PRR12: variants seen among roughly 807,000 people sequenced by gnomAD.
PRR12 encodes proline rich 12, also known as proline-rich protein 12.
Under a neutral mutation model 138.0 loss-of-function variants are expected in PRR12, and 12 were observed. That is an observed-to-expected ratio of 0.09 (90% confidence interval 0.06 to 0.14). The LOEUF (loss-of-function observed/expected upper bound fraction) is 0.14, where lower values mean the gene tolerates loss of function less well. PRR12 is among the 10% of genes least tolerant of loss of function. The pLI, the probability that PRR12 is intolerant of heterozygous loss-of-function variation, is 1.00. For synonymous variants in PRR12, 1,567 were observed against 1,291.7 expected (o/e 1.21, Z -4.57); for missense variants, 2,692 against 2,861.3 (o/e 0.94, Z 1.35).
Position 49,614,548 on chromosome 19 carries a change from G to T in PRR12, c.4789G>T (p.Gly1597Trp). Residue 1597 changes from glycine to tryptophan, a missense_variant, in exon 7 of 14, where the codon GGG becomes TGG. By Grantham distance (184) the Gly-to-Trp change is radical. This residue lies in a region of PRR12 where 92 missense variants were observed against 174.1 expected (regional missense o/e 0.53). Transcript: ENST00000418929. This position sits in a 1 kb window ranked among gnomAD's most constrained non-coding sequence, Gnocchi z 5.0. ...TCCTCCTCAGCTGGCGTTGCAGACG[G>T]GGCGTGAACCCCCACCCATCTGGCG... ...IPSLKLALQT[G>W]REPPPIWRVQ... The T allele has an allele frequency of 6.4e-7, 1 of 1,552,384 alleles. No individual in the cohort carries two copies. The highest frequency in any genetic ancestry group is 2.4e-5 in the East Asian group (1 of 41,094).
intron 11 of PRR12, chr19:49,621,833 G>A: frequency 1.8e-6 from 1 of 570,968 alleles, no homozygotes; most frequent in South Asian, 2.1e-5. Flanking sequence ...TGGGCCTTGG[G>A]GCAGCAGAGG....
chr19:49,596,537 G>C lies in PRR12; in HGVS notation c.2202G>C (p.Arg734=). The C allele has an allele frequency of 1.2e-6, 2 of 1,608,796 alleles. No homozygotes were observed. The highest frequency in any genetic ancestry group is 1.7e-6 in the Non-Finnish European group (2 of 1,178,224). Residue 734 remains arginine, a synonymous_variant, in exon 4 of 14, where the codon CGG becomes CGC. Transcript: ENST00000418929. This position sits in a 1 kb window ranked among gnomAD's most constrained non-coding sequence, Gnocchi z 5.6. ...AGGAGAAGAAGAAAGGGCCAGAGCGGGGTGGCGAGACCCCCGAGGGGCTGG... is the reference window on the plus strand; with the variant it reads ...AGGAGAAGAAGAAAGGGCCAGAGCGCGGTGGCGAGACCCCCGAGGGGCTGG... ...RLKEKKKGPE[R]GGETPEGLAT... is the part of the protein sequence containing the mutation.
intron 10 of PRR12, among the ~76,000 whole-genome samples, chr19:49,620,701 G>A (rs1323695256): frequency 2.0e-5 from 3 of 148,816 alleles, no homozygotes; most frequent in Non-Finnish European, 4.5e-5. Flanking sequence ...GAAGAGGCTG[G>A]GGGCCTGGAC....
In PRR12 at chr19:49,597,261, G is replaced by A; in HGVS notation, c.2926G>A (p.Ala976Thr). The A allele has an allele frequency of 6.4e-7, 1 of 1,572,258 alleles. No individual in the cohort carries two copies. ...GPPEDEGDPK[A>T]GAGPPPGPPA... The stretch of plus-strand genomic sequence containing the variant: ...ACCTGAGGACGAGGGGGACCCCAAG[G>A]CTGGCGCTGGGCCACCCCCCGGCCC... Residue 976 changes from alanine to threonine, a missense_variant, in exon 4 of 14, where the codon GCT (alanine) becomes ACT (threonine). Ala to Thr is a moderately conservative substitution (Grantham distance 58). Around this residue, in one of 11 missense-constraint regions of PRR12, gnomAD observed 840 missense variants for 689.8 expected, o/e 1.22. Coordinates refer to ENST00000418929, the MANE Select transcript of PRR12 (RefSeq NM_020719.3). This position sits in a 1 kb window ranked among gnomAD's most constrained non-coding sequence, Gnocchi z 6.3.
In PRR12 at chr19:49,624,899, C is replaced by T. The variant is rs777628122; in HGVS notation, c.5777C>T (p.Pro1926Leu). Residue 1926 changes from proline (P) to leucine (L), a missense_variant, in exon 12 of 14, where the codon CCG (proline) becomes CTG (leucine). Transcript: ENST00000418929. ...LQVEQSGEGSPEEGAVRLRPA... is the reference protein window; with the variant it reads ...LQVEQSGEGSLEEGAVRLRPA... ...GTGGAGCAGAGTGGGGAGGGCTCTC[C>T]GGAAGAGGGGGCTGTGCGGCTGCGG... 1.9e-5 allele frequency: 30 copies of T among 1,609,588 alleles called. No individual in the cohort carries two copies. The East Asian group carries it at 2.7e-4, about 14-fold the overall frequency.
Position 49,596,189 on chromosome 19 carries a change from G to A in PRR12, c.1854G>A (p.Lys618=). The A allele has an allele frequency of 6.2e-7, 1 of 1,610,482 alleles. No individual in the cohort carries two copies. Among genetic ancestry groups the A allele is most frequent in the African/African-American group, 1.3e-5 (1 of 75,058 alleles). Reference sequence around the variant, plus strand: ...CCGGAGCAGGTGGCTACAAGGGCAAGGGGGATGGCTCGGAGCTGCTGGCGG... The same window carrying A: ...CCGGAGCAGGTGGCTACAAGGGCAAAGGGGATGGCTCGGAGCTGCTGGCGG... ...YAAGAGGYKG[K]GDGSELLAGP... Residue 618 remains lysine (K), a synonymous_variant, in exon 4 of 14, where the codon AAG becomes AAA. Transcript: ENST00000418929. This position sits in a 1 kb window ranked among gnomAD's most constrained non-coding sequence, Gnocchi z 5.6.
At position 49,624,950 on chromosome 19, in the gene PRR12, A is replaced by G. The variant is rs1464896485; in HGVS notation, c.5828A>G (p.Lys1943Arg). 4 of 1,597,026 alleles carry G rather than the reference A, an allele frequency of 2.5e-6. No individual in the cohort carries two copies. In the African/African-American group the frequency reaches 5.4e-5, roughly 21 times the overall value. ...CCTGCTGGGGAACCCTACAACCGCAAGACGCTCAGCAAGCTCAAGAGGAGC... is the reference window on the plus strand; with the variant it reads ...CCTGCTGGGGAACCCTACAACCGCAGGACGCTCAGCAAGCTCAAGAGGAGC... ...LRPAGEPYNR[K>R]TLSKLKRSVV... is the part of the protein sequence containing the mutation. The change falls in exon 12 of 14, where the codon AAG becomes AGG. Residue 1943 changes from lysine (K) to arginine (R), a missense_variant. Coordinates refer to ENST00000418929, the MANE Select transcript of PRR12 (RefSeq NM_020719.3).
intron 11 of PRR12, among the ~76,000 whole-genome samples, chr19:49,622,254 G>T (rs2080926913): frequency 6.6e-6 from 1 of 152,172 alleles, no homozygotes; most frequent in Non-Finnish European, 1.5e-5. Context: ...TTAGGCTGGT[G>T]CTGAGATGGC....
At chr19:49,623,870 T>A (rs890753994) in intron 11 of PRR12, among the ~76,000 whole-genome samples, 1 of 142,152 alleles carries the variant, frequency 7.0e-6, no homozygotes, top group Non-Finnish European at 1.5e-5. Context: ...GGTAGGTGGT[T>A]AGGATGGGGC....
At chr19:49,613,326 A>G (rs2080875896) in intron 6 of PRR12, among the ~76,000 whole-genome samples, 2 of 137,262 alleles carry the variant, frequency 1.5e-5, no homozygotes, top group South Asian at 4.5e-4. Flanking sequence ...CTGAGGCTCC[A>G]TCTCAAAAAA....
Position 49,597,745 on chromosome 19 carries a change from T to G in PRR12, c.3410T>G (p.Leu1137Arg). 2 of 1,606,106 alleles carry G rather than the reference T, an allele frequency of 1.2e-6. No individual in the cohort carries two copies. The highest frequency in any genetic ancestry group is 4.5e-5 in the East Asian group (2 of 44,604). Residue 1137 changes from leucine (L) to arginine (R), a missense_variant, in exon 4 of 14, where the codon CTG becomes CGG. By Grantham distance (102) the Leu-to-Arg change is moderately radical. Coordinates refer to ENST00000418929, the MANE Select transcript of PRR12 (RefSeq NM_020719.3). This position sits in a 1 kb window ranked among gnomAD's most constrained non-coding sequence, Gnocchi z 6.3. ...SCRSRPALSPLGDIDFCPPNP... is the reference protein window; with the variant it reads ...SCRSRPALSPRGDIDFCPPNP... ...CGCTCCCGTCCGGCCCTCTCGCCAC[T>G]GGGGGACATCGACTTCTGCCCACCC...
intron 11 of PRR12, among the ~76,000 whole-genome samples, chr19:49,622,363 C>G (rs2080927476): frequency 6.6e-6 from 1 of 151,634 alleles, no homozygotes; most frequent in African/African-American, 2.4e-5. Context: ...GGTAGATGGC[C>G]TGAGGTCAAG....
At chr19:49,605,868 C>T (rs374023641) in intron 6 of PRR12, among the ~76,000 whole-genome samples, 3 of 152,252 alleles carry the variant, frequency 2.0e-5, no homozygotes, top group Non-Finnish European at 2.9e-5. Flanking sequence ...GGCAAAGCCC[C>T]ACGCCTTTGC....
At position 49,624,916 on chromosome 19, in the gene PRR12, C is replaced by T. The variant is rs774262483; in HGVS notation, c.5794C>T (p.Arg1932Trp). 57 of 1,604,048 alleles carry T rather than the reference C, an allele frequency of 3.6e-5. No homozygotes were observed. The highest frequency in any genetic ancestry group is 8.5e-5 in the Admixed American group (5 of 58,826). The change falls in exon 12 of 14, where the codon CGG becomes TGG. Residue 1932 changes from arginine (R) to tryptophan (W), a missense_variant. Arg to Trp is a moderately radical substitution (Grantham distance 101). Transcript: ENST00000418929. Reference protein sequence around the residue: ...GEGSPEEGAVRLRPAGEPYNR... With the variant: ...GEGSPEEGAVWLRPAGEPYNR... Reference sequence around the variant, plus strand: ...GGGCTCTCCGGAAGAGGGGGCTGTGCGGCTGCGGCCTGCTGGGGAACCCTA... The same window carrying T: ...GGGCTCTCCGGAAGAGGGGGCTGTGTGGCTGCGGCCTGCTGGGGAACCCTA...
rs752379710 is a variant in PRR12 at position 49,624,998 on chromosome 19, C to G, written c.5868+8C>G. On this transcript the variant is annotated splice_region_variant and intron_variant, in intron 12 of 13. Coordinates refer to ENST00000418929, the MANE Select transcript of PRR12 (RefSeq NM_020719.3). ...AGCGTGGTCAGAGCCCAGGTGGGCA[C>G]TGGGGCTGGGGCTGGGAGTGGGGAG... The G allele has an allele frequency of 5.0e-6, 8 of 1,601,026 alleles. No individual in the cohort carries two copies. The highest frequency in any genetic ancestry group is 6.8e-6 in the Non-Finnish European group (8 of 1,172,608).
In PRR12 at chr19:49,595,012, C is replaced by T; in HGVS notation, c.677C>T (p.Pro226Leu). ...PAGLGPAQTP[P>L]YRPGPPDPPP... ...GGTCTCGGTCCAGCCCAGACCCCCC[C>T]TTACCGCCCTGGCCCCCCAGACCCA... The change falls in exon 4 of 14, where the codon CCT becomes CTT. Residue 226 changes from proline to leucine, a missense_variant. Transcript: ENST00000418929. The T allele has an allele frequency of 6.2e-7, 1 of 1,600,470 alleles. No homozygotes were observed. Among genetic ancestry groups the T allele is most frequent in the Non-Finnish European group, 8.5e-7 (1 of 1,175,062 alleles).
At position 49,601,606 on chromosome 19, in the gene PRR12, G is replaced by A. The variant is rs762366408; in HGVS notation, c.4461G>A (p.Pro1487=). The part of the protein sequence containing the change: ...PPQPALPSPP[P]LVAPTPSSPP... ...AGCCAGCCCTGCCCTCGCCACCCCC[G>A]CTGGTGGCCCCCACGCCCAGCTCAC... The change falls in exon 6 of 14, where the codon CCG becomes CCA. Residue 1487 remains proline (P), a synonymous_variant. Transcript: ENST00000418929. 95 of 1,339,092 alleles carry A rather than the reference G, an allele frequency of 7.1e-5. 1 individual carries two copies. The Admixed American group carries it at 2.1e-3, about 30-fold the overall frequency. The allele number at this position is 1,339,092 out of a possible 1,614,324, so 83.0% of individuals were successfully genotyped here.
intron 6 of PRR12, among the ~76,000 whole-genome samples, chr19:49,612,346 C>T (rs2080871242): frequency 6.6e-6 from 1 of 151,608 alleles, no homozygotes; most frequent in Non-Finnish European, 1.5e-5. Flanking sequence ...TAGTAATCGG[C>T]AGTTGGCATG....
rs1259662065 is a variant in PRR12 at position 49,596,531 on chromosome 19, A to C, written c.2196A>C (p.Pro732=). The C allele has an allele frequency of 1.1e-5, 17 of 1,609,148 alleles. No homozygotes were observed. The highest frequency in any genetic ancestry group is 1.4e-5 in the Non-Finnish European group (16 of 1,178,444). ...LGRLKEKKKG[P]ERGGETPEGL... The stretch of plus-strand genomic sequence containing the variant: ...GGCTGAAGGAGAAGAAGAAAGGGCC[A>C]GAGCGGGGTGGCGAGACCCCCGAGG... The change falls in exon 4 of 14, where the codon CCA becomes CCC. Residue 732 remains proline (P), a synonymous_variant. Coordinates refer to ENST00000418929, the MANE Select transcript of PRR12 (RefSeq NM_020719.3). The surrounding 1 kb of genome is among the most constrained non-coding windows in gnomAD (Gnocchi z 5.6).
Sources: gnomAD v4.1 joint callset for allele counts (sites outside exome capture counted in the v4.1 genomes callset) on GRCh38, gnomAD v4.1.1 for gene constraint, gnomAD v4.1.1 regional missense constraint, Gnocchi (gnomAD v3.1) non-coding constraint, MANE v1.5 for transcripts, NCBI Gene and HGNC (gene_info 2026-07-23, HGNC 2026-07-21) for gene names.